HIPK3: variants seen among roughly 807,000 people sequenced by gnomAD.
HIPK3 encodes homeodomain-interacting protein kinase 3.
A neutral mutation model predicts 124.2 loss-of-function variants in HIPK3; 47 were observed. That is an observed-to-expected ratio of 0.38 (90% CI 0.30 to 0.48). The LOEUF is 0.48. Ranked by LOEUF, HIPK3 falls within the 20% of genes least tolerant of loss-of-function variation. The pLI is 0.98. For synonymous variants in HIPK3, 482 were observed against 515.2 expected, an observed-to-expected ratio of 0.94 and a Z score of 0.87; for missense variants, 1,286 against 1,454.3, an observed-to-expected ratio of 0.88 and a Z score of 1.88.
In HIPK3 at chr11:33,351,112, G is replaced by A. The variant is rs1297314647; in HGVS notation, c.2808-496G>A. Among the ~76,000 whole-genome samples the A allele has an allele frequency of 2.0e-5, 3 of 152,266 alleles. No homozygotes were observed. In the East Asian group the frequency reaches 5.8e-4, roughly 29 times the overall value. ...ATGAGAAATATGGGGCTCTGTCTAG[G>A]CCTTCAGAGGTGTGGGGATACCTTT... On this transcript the variant is annotated intron_variant, in intron 14 of 16. Transcript: ENST00000303296.
intron 2 of HIPK3, among the ~76,000 whole-genome samples, chr11:33,318,327 A>G (rs775927323): frequency 5.9e-5 from 9 of 152,210 alleles, no homozygotes; most frequent in Non-Finnish European, 1.3e-4. Context: ...TTGGCCACCC[A>G]AAGTGCTGGG....
intron 1 of HIPK3, 114 bp downstream of exon 1, chr11:33,258,003 G>C: frequency 2.3e-6 from 2 of 868,960 alleles, no homozygotes; most frequent in East Asian, 1.2e-4. Context: ...CGACACCTCC[G>C]GCGCAGCCCG....
intron 2 of HIPK3, among the ~76,000 whole-genome samples, chr11:33,307,400 GT>G (rs397849185): frequency 0.011 from 1,418 of 128,776 alleles, 9 homozygotes; most frequent in Non-Finnish European, 0.015. Context: ...TTTATGAAGT[GT>G]TTTTTTTTTT....
At chr11:33,347,469 G>T in intron 9 of HIPK3, 55 bp downstream of exon 9, 1 of 1,607,140 alleles carries the variant, frequency 6.2e-7, no homozygotes, top group South Asian at 1.1e-5. Context: ...GGGAAATAGT[G>T]AAAATGACCT....
intron 2 of HIPK3, among the ~76,000 whole-genome samples, chr11:33,310,998 C>T (rs945142294): frequency 3.9e-5 from 6 of 152,100 alleles, no homozygotes; most frequent in Non-Finnish European, 8.8e-5. Context: ...TTTTGCCGGC[C>T]CAGTGGGATG....
intron 5 of HIPK3, 116 bp downstream of exon 5, chr11:33,338,959 T>A: frequency 1.6e-6 from 1 of 614,740 alleles, no homozygotes; most frequent in Non-Finnish European, 2.7e-6. Flanking sequence ...ATGCTGTTTT[T>A]AAGTTTTTCA....
intron 3 of HIPK3, among the ~76,000 whole-genome samples, chr11:33,331,645 C>G (rs1225025427): frequency 6.6e-6 from 1 of 151,770 alleles, no homozygotes; most frequent in Non-Finnish European, 1.5e-5. Context: ...TCCAGACATG[C>G]TGGGATTACA....
chr11:33,338,628 A>G, intron 4 of HIPK3, 129 bp from the exon 5 acceptor site: 3 of 507,368 alleles, frequency 5.9e-6, no homozygotes, highest in Admixed American at 3.7e-5. Flanking sequence ...TTTAAAAAAT[A>G]CATTTTTGAT....
chr11:33,333,879 T>C (rs1853060941), intron 3 of HIPK3, among the ~76,000 whole-genome samples: 1 of 152,258 alleles, frequency 6.6e-6, no homozygotes, highest in African/African-American at 2.4e-5. Context: ...TACATGTCTT[T>C]AGCATCTAGC....
chr11:33,300,138 G>A (rs1011444929), intron 2 of HIPK3, among the ~76,000 whole-genome samples: 2 of 151,648 alleles, frequency 1.3e-5, no homozygotes, highest in Admixed American at 6.6e-5. Flanking sequence ...TCAGGAGTTC[G>A]AGACCAGCCT....
chr11:33,337,662 T>C (rs914381615), intron 4 of HIPK3, among the ~76,000 whole-genome samples: 7 of 151,112 alleles, frequency 4.6e-5, no homozygotes, highest in Admixed American at 4.6e-4. Context: ...GGCCCCGTCC[T>C]TCTCTCTCTC....
chr11:33,267,272 C>G (rs1850992761), intron 1 of HIPK3, among the ~76,000 whole-genome samples: 1 of 151,612 alleles, frequency 6.6e-6, no homozygotes, highest in Admixed American at 6.6e-5. Flanking sequence ...GCCACCACGC[C>G]CGGCTAATTT....
intron 2 of HIPK3, among the ~76,000 whole-genome samples, chr11:33,289,854 A>G (rs1851653693): frequency 1.3e-5 from 2 of 152,100 alleles, no homozygotes; most frequent in Non-Finnish European, 2.9e-5. Context: ...ATTCTACTCT[A>G]TCTCCATGAG....
intron 3 of HIPK3, among the ~76,000 whole-genome samples, chr11:33,332,316 T>C (rs1365619712): frequency 6.6e-6 from 1 of 151,826 alleles, no homozygotes; most frequent in Non-Finnish European, 1.5e-5. Context: ...GTGTGTGTGG[T>C]TAGGGAAGAT....
chr11:33,350,088 A>G (rs1853612055), intron 14 of HIPK3, among the ~76,000 whole-genome samples: 1 of 152,242 alleles, frequency 6.6e-6, no homozygotes, highest in African/African-American at 2.4e-5. Flanking sequence ...TTGAAAGGAT[A>G]AAAAAGCCAC....
intron 14 of HIPK3, among the ~76,000 whole-genome samples, chr11:33,350,399 G>A (rs915463867): frequency 3.6e-4 from 55 of 152,164 alleles, no homozygotes; most frequent in African/African-American, 1.3e-3. Flanking sequence ...AGGCACAGTG[G>A]CCAACACTTG....
chr11:33,262,648 T>C (rs1334741848), intron 1 of HIPK3, among the ~76,000 whole-genome samples: 1 of 152,242 alleles, frequency 6.6e-6, no homozygotes, highest in African/African-American at 2.4e-5. Flanking sequence ...TATTTGGCAG[T>C]TAATGCCAAG....
chr11:33,328,627 T>G lies in HIPK3; in HGVS notation c.1215T>G (p.Tyr405Ter). 6.2e-7 allele frequency: 1 copy of G among 1,613,144 alleles called. No homozygotes were observed. The change falls in exon 3 of 17, where the codon TAT becomes TAG. Residue 405 changes from tyrosine to a stop codon, truncating the protein, a stop_gained. Coordinates refer to ENST00000303296, the MANE Select transcript of HIPK3 (RefSeq NM_005734.5). LOFTEE classifies it high-confidence loss of function. ...GWPLYPGALEYDQIRYISQTQ... is the reference protein window; with the variant it reads ...GWPLYPGALE ...CGCTCTACCCAGGAGCCTTGGAGTA[T>G]GATCAGGTAACAAATAATGATAATC... is the stretch of plus-strand genomic sequence containing the variant.
rs757256891 is a variant in HIPK3, at chr11:33,341,125, C to G, written c.1771C>G (p.Gln591Glu). 6.3e-7 allele frequency: 1 copy of G among 1,578,946 alleles called. No homozygotes were observed. Among genetic ancestry groups the G allele is most frequent in the Non-Finnish European group, 8.6e-7 (1 of 1,165,996 alleles). ...TACTAAAATCGGAACATTAAGAAGT[C>G]AGGTAAGAATGTGTAGTAATTAATA... ...NFTKIGTLRSQALTTSAHSVV... is the reference protein window; with the variant it reads ...NFTKIGTLRSEALTTSAHSVV... The change falls in exon 7 of 17, where the codon CAG becomes GAG. Residue 591 changes from glutamine to glutamate, a missense_variant and splice_region_variant. Gln to Glu is a conservative substitution (Grantham distance 29). Around this residue, in one of 3 missense-constraint regions of HIPK3, gnomAD observed 810 missense variants for 864.9 expected, o/e 0.94. Coordinates refer to ENST00000303296, the MANE Select transcript of HIPK3 (RefSeq NM_005734.5).
Sources: allele counts gnomAD v4.1 joint callset (sites outside exome capture counted in the v4.1 genomes callset), GRCh38; gene constraint gnomAD v4.1.1; regional missense constraint gnomAD v4.1.1; transcripts MANE v1.5; gene names NCBI Gene and HGNC (gene_info 2026-07-23, HGNC 2026-07-21).